Variants in TKT observed in about 807,000 individuals in gnomAD.
TKT encodes the protein epididymis luminal protein 107.
A neutral mutation model predicts 63.9 loss-of-function variants in TKT; 47 were observed. The observed-to-expected ratio is 0.74, with a 90% CI of 0.58 to 0.94. TKT has a LOEUF of 0.94. TKT is among the 40% of genes least tolerant of loss of function. TKT has a pLI of 0.00. For synonymous variants in TKT, 338 were observed against 334.1 expected, an observed-to-expected ratio of 1.01 and a Z score of -0.13; for missense variants, 721 against 846.2, an observed-to-expected ratio of 0.85 and a Z score of 1.84.
At chr3:53,249,843 A>G (rs1257011039) in intron 1 of TKT, among the ~76,000 whole-genome samples, 4 of 152,302 alleles carry the variant, frequency 2.6e-5, no homozygotes, top group Non-Finnish European at 2.9e-5. Flanking sequence ...CCTGACCTCT[A>G]GAAGTGTCCC....
At chr3:53,233,956 G>A (rs1704889745) in intron 5 of TKT, 1 of 152,278 alleles carries the variant, frequency 6.6e-6, no homozygotes, top group Non-Finnish European at 1.5e-5. Context: ...CGAAGGTGGA[G>A]TAAGTAACGT....
chr3:53,244,492 T>A (rs953476929), intron 1 of TKT, among the ~76,000 whole-genome samples: 6 of 152,162 alleles, frequency 3.9e-5, no homozygotes, highest in African/African-American at 1.4e-4. Flanking sequence ...CTGCAGCTCT[T>A]ATCTACAGGC....
At position 53,241,266 on chromosome 3, in the gene TKT, G is replaced by A. The variant is rs372069289; in HGVS notation, c.226-21C>T. ...TGGCCCTGCCGGGAGATGGATGGTG[G>A]GGTGAGGTCAGGTGGGGAGCGGTTC... is the stretch of plus-strand genomic sequence containing the variant. On this transcript the variant is annotated intron_variant, in intron 2 of 13. Transcript: ENST00000462138. The A allele has an allele frequency of 2.5e-6, 4 of 1,590,550 alleles. No homozygotes were observed. In the Admixed American group the frequency reaches 6.9e-5, roughly 27 times the overall value.
Position 53,228,368 on chromosome 3 carries a change from G to A in TKT, c.1396-9C>T, listed in dbSNP as rs782185988. On this transcript the variant is annotated splice_polypyrimidine_tract_variant and intron_variant, in intron 10 of 13. Coordinates refer to ENST00000462138, the MANE Select transcript of TKT (RefSeq NM_001064.4). ...CGGATGAAGCAGATACCCTGAGACC[G>A]AAACAGATAAACTGAGGATACAGGA... The A allele has an allele frequency of 6.8e-6, 11 of 1,613,640 alleles. No individual in the cohort carries two copies. Among genetic ancestry groups the A allele is most frequent in the Admixed American group, 1.7e-5 (1 of 60,008 alleles).
chr3:53,226,616 C>T (rs1704507691), intron 13 of TKT, 140 bp downstream of exon 13: 17 of 1,266,586 alleles, frequency 1.3e-5, no homozygotes, highest in Non-Finnish European at 1.8e-5. Context: ...TAAGAGACCA[C>T]GTCCCAGCTG....
chr3:53,241,285 G>A (rs1375301619), intron 2 of TKT, 40 bp from the exon 3 acceptor site: 3 of 1,561,488 alleles, frequency 1.9e-6, no homozygotes, highest in Admixed American at 1.8e-5. Flanking sequence ...CAGGTGGGGA[G>A]CGGTTCTACT....
intron 1 of TKT, 85 bp from the exon 2 acceptor site, chr3:53,242,327 G>C: frequency 7.4e-7 from 1 of 1,343,642 alleles, no homozygotes; most frequent in Non-Finnish European, 1.1e-6. Context: ...GGACCTGGGG[G>C]TGCATGTCCT....
At chr3:53,238,956 C>T (rs143302090) in intron 4 of TKT, among the ~76,000 whole-genome samples, 57 of 152,326 alleles carry the variant, frequency 3.7e-4, no homozygotes, top group Admixed American at 1.3e-4. Flanking sequence ...GGGTCCCCAC[C>T]CAAATCTTAC....
intron 1 of TKT, among the ~76,000 whole-genome samples, chr3:53,244,629 C>A (rs1440824598): frequency 6.6e-6 from 1 of 152,156 alleles, no homozygotes; most frequent in Non-Finnish European, 1.5e-5. Context: ...TACTTTCAAG[C>A]TCAACTTCCT....
In TKT at chr3:53,241,225, G is replaced by A. The variant is rs782178676; in HGVS notation, c.246C>T (p.Leu82=). ...AACCAGCTTCAGCCCAGACCGCGTAGAGGATGGGAGCTGCATGGCCCTGCC... is the reference window on the plus strand; with the variant it reads ...AACCAGCTTCAGCCCAGACCGCGTAAAGGATGGGAGCTGCATGGCCCTGCC... ...VLSKGHAAPI[L]YAVWAEAGFL... is the part of the protein sequence containing the mutation. Residue 82 remains leucine, a synonymous_variant, in exon 3 of 14, where the codon CTC becomes CTT. Coordinates refer to ENST00000462138, the MANE Select transcript of TKT (RefSeq NM_001064.4). 1 of 1,602,126 alleles carries A rather than the reference G, an allele frequency of 6.2e-7. No homozygotes were observed. Among genetic ancestry groups the A allele is most frequent in the Non-Finnish European group, 8.5e-7 (1 of 1,175,750 alleles).
chr3:53,237,129 A>T (rs1247252808), intron 4 of TKT, among the ~76,000 whole-genome samples: 2 of 152,160 alleles, frequency 1.3e-5, no homozygotes, highest in Non-Finnish European at 2.9e-5. Context: ...CACGCCTGTA[A>T]TCCCAGCACT....
At chr3:53,247,758 A>G (rs551199314) in intron 1 of TKT, among the ~76,000 whole-genome samples, 83 of 152,120 alleles carry the variant, frequency 5.5e-4, no homozygotes, top group African/African-American at 2.0e-3. Flanking sequence ...TTCTGCCCGG[A>G]AAGAACCTCT....
intron 1 of TKT, among the ~76,000 whole-genome samples, chr3:53,243,288 C>A (rs1166674468): frequency 2.0e-5 from 3 of 152,094 alleles, no homozygotes; most frequent in African/African-American, 7.2e-5. Context: ...AAAGTTCAGC[C>A]TCAGGGCACA....
chr3:53,238,116 C>A (rs1482306500), intron 4 of TKT, among the ~76,000 whole-genome samples: 6 of 152,182 alleles, frequency 3.9e-5, no homozygotes, highest in East Asian at 1.9e-4. Flanking sequence ...CAGTCAGGGG[C>A]CTAGGCTCCA....
At chr3:53,237,283 G>A (rs1553678848) in intron 4 of TKT, among the ~76,000 whole-genome samples, 2 of 152,050 alleles carry the variant, frequency 1.3e-5, no homozygotes, top group African/African-American at 4.8e-5. Context: ...AGCTACTCGG[G>A]AAGCTGAGGC....
At chr3:53,254,503 G>C (rs1553681983) in intron 1 of TKT, among the ~76,000 whole-genome samples, 1 of 152,216 alleles carries the variant, frequency 6.6e-6, no homozygotes, top group African/African-American at 2.4e-5. Flanking sequence ...CCAGAAAGGT[G>C]AACAGATTTA....
chr3:53,246,875 T>C (rs1238271173), intron 1 of TKT, among the ~76,000 whole-genome samples: 3 of 147,824 alleles, frequency 2.0e-5, no homozygotes, highest in South Asian at 2.1e-4. Flanking sequence ...AGGAAAACAA[T>C]AGAATGATAA....
At chr3:53,237,228 A>G (rs1156623490) in intron 4 of TKT, among the ~76,000 whole-genome samples, 1 of 152,056 alleles carries the variant, frequency 6.6e-6, no homozygotes, top group African/African-American at 2.4e-5. Flanking sequence ...TCTCTACTAA[A>G]TATATAAAAA....
In TKT at chr3:53,247,398, G is replaced by A. The variant is rs187720076; in HGVS notation, c.108-5156C>T. 2.6e-4 allele frequency among the ~76,000 whole-genome samples: 38 copies of A among 148,360 alleles called. No individual in the cohort carries two copies. The East Asian group carries it at 6.2e-3, about 24-fold the overall frequency. The stretch of plus-strand genomic sequence containing the variant: ...AAAAAATTTAGAAGAGGCCAGGGGC[G>A]GTGGCTCACCTGAGGCACCTGAGGT... On this transcript the variant is annotated intron_variant, in intron 1 of 13. Coordinates refer to ENST00000462138, the MANE Select transcript of TKT (RefSeq NM_001064.4).
Sources: allele counts gnomAD v4.1 joint callset (sites outside exome capture counted in the v4.1 genomes callset), GRCh38; gene constraint gnomAD v4.1.1; transcripts MANE v1.5; gene names NCBI Gene and HGNC (gene_info 2026-07-23, HGNC 2026-07-21).